POR: variants seen among roughly 807,000 people sequenced by gnomAD.
POR encodes the protein NADPH--cytochrome P450 reductase.
POR carries 56 observed loss-of-function variants against 84.0 expected under a neutral mutation model. The observed-to-expected ratio is 0.67, with a 90% CI of 0.54 to 0.83. POR has a LOEUF of 0.83. Among genes scored for constraint, POR ranks in the 40% least tolerant of loss-of-function variants. The probability of loss-of-function intolerance (pLI) is 0.00; values close to 1 mark genes in which losing one functional copy is unlikely to be tolerated. For missense variants in POR, 938 were observed against 944.3 expected (o/e 0.99, Z 0.09); for synonymous variants, 414 against 400.5 (o/e 1.03, Z -0.40).
At position 75,985,047 on chromosome 7, in the gene POR, G is replaced by T; in HGVS notation, c.1249-11G>T. The stretch of plus-strand genomic sequence containing the variant: ...CCCCAATCAGCCCCATCTCACCCCC[G>T]TGTCTCTTAGGAGCTGTACCTGAGC... On this transcript the variant is annotated splice_polypyrimidine_tract_variant and intron_variant, in intron 11 of 15. Coordinates refer to ENST00000461988, the MANE Select transcript of POR (RefSeq NM_000941.3). 1 of 1,587,520 alleles carries T rather than the reference G, an allele frequency of 6.3e-7. No individual in the cohort carries two copies. The highest frequency in any genetic ancestry group is 1.1e-5 in the South Asian group (1 of 90,506).
chr7:75,981,495 C>CCCTCT (rs781803709), intron 6 of POR, 22 bp from the exon 7 acceptor site: 2 of 1,603,330 alleles, frequency 1.2e-6, no homozygotes, highest in African/African-American at 1.3e-5. Flanking sequence ...GAGCCGCTCC[C>CCCTCT]CCTCTCCTCT....
intron 1 of POR, among the ~76,000 whole-genome samples, chr7:75,933,213 A>G (rs548543607): frequency 6.6e-6 from 1 of 152,130 alleles, no homozygotes; most frequent in African/African-American, 2.4e-5. Context: ...TGTATGGCAT[A>G]TTGTTTTGAA....
chr7:75,949,680 C>A (rs188637620), intron 1 of POR, among the ~76,000 whole-genome samples: 1 of 151,510 alleles, frequency 6.6e-6, no homozygotes, highest in Non-Finnish European at 1.5e-5. Flanking sequence ...CCACTGCATC[C>A]GGCTGATTTT....
intron 3 of POR, among the ~76,000 whole-genome samples, chr7:75,978,918 T>G (rs545969862): frequency 6.6e-6 from 1 of 152,188 alleles, no homozygotes; most frequent in Non-Finnish European, 1.5e-5. Flanking sequence ...TGCCTCAGCC[T>G]CCCTAGTAAC....
At chr7:75,943,826 A>G (rs782293765) in intron 1 of POR, 2 of 509,674 alleles carry the variant, frequency 3.9e-6, no homozygotes, top group Admixed American at 4.1e-5. Context: ...AAATGCTTCC[A>G]AGATATGAGC....
In POR at chr7:75,982,257, CAT is replaced by C; in HGVS notation, c.767_768del (p.Ile256ArgfsTer24). On this transcript the variant is annotated frameshift_variant, in exon 8 of 16. Coordinates refer to ENST00000461988, the MANE Select transcript of POR (RefSeq NM_000941.3). LOFTEE classifies it high-confidence loss of function. ...AGTACGAGCTTGTGGTCCACACCGA[CAT>C]AGATGCGGCCAAGGTGTACATGGGG... is the stretch of plus-strand genomic sequence containing the variant. 1 of 1,612,830 alleles carries C rather than the reference CAT, an allele frequency of 6.2e-7. No homozygotes were observed. Among genetic ancestry groups the C allele is most frequent in the Non-Finnish European group, 8.5e-7 (1 of 1,179,550 alleles).
intron 1 of POR, among the ~76,000 whole-genome samples, chr7:75,950,551 C>A (rs1231972807): frequency 1.3e-5 from 2 of 152,162 alleles, no homozygotes; most frequent in Non-Finnish European, 2.9e-5. Context: ...TGACTGTCTG[C>A]TGCCTCATGA....
At chr7:75,924,785 A>T (rs1252591184) in intron 1 of POR, among the ~76,000 whole-genome samples, 8 of 152,164 alleles carry the variant, frequency 5.3e-5, no homozygotes, top group Non-Finnish European at 7.3e-5. Context: ...AAATAAAAGG[A>T]GTTGAGTGTA....
At position 75,915,178 on chromosome 7, in the gene POR, C is replaced by G. The variant is rs1193738369; in HGVS notation, c.-6C>G. The G allele has an allele frequency of 6.5e-6, 1 of 154,438 alleles. No individual in the cohort carries two copies. Among genetic ancestry groups the G allele is most frequent in the Non-Finnish European group, 1.5e-5 (1 of 68,442 alleles). 9.6% of individuals were successfully genotyped at this position (154,438 alleles called of 1,614,324 possible). ...CCGCAGAGAGCAGCCGGGCTGCCAGCGGTGAGTGCTATCTTTCGCGGCGAC... is the reference window on the plus strand; with the variant it reads ...CCGCAGAGAGCAGCCGGGCTGCCAGGGGTGAGTGCTATCTTTCGCGGCGAC... On this transcript the variant is annotated splice_region_variant and 5_prime_UTR_variant, in exon 1 of 16. Transcript: ENST00000461988.
Position 75,985,699 on chromosome 7 carries a change from G to A in POR, c.1519G>A (p.Gly507Ser), listed in dbSNP as rs565343242. ...GGCCAAGGAGCCTGCCGGGGAGAAC[G>A]GCGGCCGTGCGCTGGTGCCCATGTT... The change falls in exon 13 of 16, where the codon GGC becomes AGC. Residue 507 changes from glycine (G) to serine (S), a missense_variant. Coordinates refer to ENST00000461988, the MANE Select transcript of POR (RefSeq NM_000941.3). The A allele has an allele frequency of 4.0e-5, 63 of 1,589,334 alleles. No individual in the cohort carries two copies. Among genetic ancestry groups the A allele is most frequent in the South Asian group, 3.9e-4 (34 of 87,140 alleles).
Position 75,974,592 on chromosome 7 carries a change from TCTCAG to T in POR, c.237+2136_237+2140del, listed in dbSNP as rs1788593021. Among the ~76,000 whole-genome samples the T allele has an allele frequency of 2.0e-5, 3 of 148,268 alleles. No individual in the cohort carries two copies. In the Admixed American group the frequency reaches 2.1e-4, roughly 10 times the overall value. On this transcript the variant is annotated intron_variant, in intron 3 of 15. Coordinates refer to ENST00000461988, the MANE Select transcript of POR (RefSeq NM_000941.3). ...CCCAGGCTGGAGTGCAGTGGTGTGA[TCTCAG>T]CTCACTGCAATCTCCACCTCCCGGG...
intron 2 of POR, among the ~76,000 whole-genome samples, chr7:75,961,227 A>G (rs1332330571): frequency 6.1e-5 from 9 of 148,282 alleles, no homozygotes; most frequent in African/African-American, 2.0e-4. Context: ...AGTGAGACCA[A>G]AAAAAAAAAG....
intron 2 of POR, among the ~76,000 whole-genome samples, chr7:75,956,600 G>T (rs927727466): frequency 4.6e-5 from 7 of 151,730 alleles, no homozygotes; most frequent in African/African-American, 1.7e-4. Flanking sequence ...ACCTAGCACT[G>T]CCCCTGAGGG....
chr7:75,953,145 C>T (rs1368047743), intron 1 of POR, among the ~76,000 whole-genome samples: 3 of 152,072 alleles, frequency 2.0e-5, no homozygotes, highest in Admixed American at 1.3e-4. Context: ...AGCGAAACCC[C>T]GTTTCCACCA....
intron 2 of POR, among the ~76,000 whole-genome samples, chr7:75,970,532 T>A (rs1788384191): frequency 6.6e-6 from 1 of 151,944 alleles, no homozygotes; most frequent in Non-Finnish European, 1.5e-5. Flanking sequence ...TTTTTTTTTT[T>A]AGAGGTAGAG....
chr7:75,957,217 GT>G (rs1317936871), intron 2 of POR, among the ~76,000 whole-genome samples: 3 of 152,268 alleles, frequency 2.0e-5, no homozygotes, highest in South Asian at 2.1e-4. Flanking sequence ...AGGAATTGGT[GT>G]GGGGATCAGA....
intron 2 of POR, among the ~76,000 whole-genome samples, chr7:75,971,539 G>A (rs1173165988): frequency 6.7e-6 from 1 of 149,562 alleles, no homozygotes; most frequent in Non-Finnish European, 1.5e-5. Context: ...GGCCAGAAGT[G>A]GACAGTGGAC....
chr7:75,985,395 T>C, intron 12 of POR, 184 bp from the exon 13 acceptor site: 1 of 1,125,804 alleles, frequency 8.9e-7, no homozygotes, highest in Non-Finnish European at 1.2e-6. Context: ...TCTCAGCATC[T>C]GTCCAGCCCC....
chr7:75,954,311 G>T, intron 2 of POR, 131 bp downstream of exon 2: 1 of 945,824 alleles, frequency 1.1e-6, no homozygotes, highest in African/African-American at 1.7e-5. Flanking sequence ...CTTGGGTTTT[G>T]CCTTCTTGCT....
Sources: gnomAD v4.1 joint callset for allele counts (sites outside exome capture counted in the v4.1 genomes callset) on GRCh38, gnomAD v4.1.1 for gene constraint, MANE v1.5 for transcripts, NCBI Gene and HGNC (gene_info 2026-07-23, HGNC 2026-07-21) for gene names.